Variants in GAS2 observed in about 807,000 individuals in gnomAD.
The protein encoded by GAS2 is growth arrest specific 2, also known as growth arrest-specific protein 2.
GAS2 carries 20 observed loss-of-function variants against 37.5 expected under a neutral mutation model. The ratio of observed to expected loss-of-function variants is 0.53; its 90% confidence interval spans 0.37 to 0.77. The LOEUF (loss-of-function observed/expected upper bound fraction) is 0.77, where lower values mean the gene tolerates loss of function less well. Ranked by LOEUF, GAS2 falls within the 30% of genes least tolerant of loss-of-function variation. The pLI is 0.00. For synonymous variants in GAS2, 144 were observed against 132.2 expected (o/e 1.09, Z -0.61); for missense variants, 336 against 373.4 (o/e 0.90, Z 0.82).
intron 7 of GAS2, among the ~76,000 whole-genome samples, chr11:22,780,792 A>C (rs372437324): frequency 3.3e-5 from 5 of 151,972 alleles, no homozygotes; most frequent in African/African-American, 1.2e-4. Context: ...GTCTCAGGCA[A>C]AAAAATGGAG....
At chr11:22,810,739 T>C (rs1564898963) in intron 7 of GAS2, among the ~76,000 whole-genome samples, 1 of 152,128 alleles carries the variant, frequency 6.6e-6, no homozygotes, top group Non-Finnish European at 1.5e-5. Context: ...CCAAAACCTT[T>C]ATCAAAACCT....
rs35525212 is a variant in GAS2 at position 22,736,004 on chromosome 11, TA to T, written c.410-1687del. Among the ~76,000 whole-genome samples the T allele has an allele frequency of 5.5e-3, 793 of 143,746 alleles. 5 individuals are homozygous for T. Among genetic ancestry groups the T allele is most frequent in the African/African-American group, 0.017 (663 of 39,366 alleles). The allele number at this position is 143,746 out of a possible 152,430, so 94.3% of individuals were successfully genotyped here. ...TTGTTATTTTGTACCATGGATATGT[TA>T]AAAAAAAAAAAAAGTCTGAATCAGA... On this transcript the variant is annotated intron_variant, in intron 4 of 7. Coordinates refer to ENST00000454584, the MANE Select transcript of GAS2 (RefSeq NM_001143830.3).
intron 7 of GAS2, among the ~76,000 whole-genome samples, chr11:22,770,794 C>A (rs1854938763): frequency 6.6e-6 from 1 of 152,188 alleles, no homozygotes; most frequent in South Asian, 2.1e-4. Flanking sequence ...TAGTTATTCT[C>A]ATTGTCGTTC....
intron 4 of GAS2, among the ~76,000 whole-genome samples, chr11:22,727,611 C>A (rs910603617): frequency 6.6e-6 from 1 of 151,900 alleles, no homozygotes; most frequent in Non-Finnish European, 1.5e-5. Context: ...GGGGAATATG[C>A]TAGACCTGAA....
rs78303902 is a variant in GAS2 at position 22,693,527 on chromosome 11, G to T, written c.267+7738G>T. On this transcript the variant is annotated intron_variant, in intron 3 of 7. Coordinates refer to ENST00000454584, the MANE Select transcript of GAS2 (RefSeq NM_001143830.3). ...CATGAATCTCTGACTTTTTAAATAG[G>T]TGTGCTTTTTTTATTTGGTACTTTT... is the stretch of plus-strand genomic sequence containing the variant. 7.3e-3 allele frequency among the ~76,000 whole-genome samples: 1,113 copies of T among 152,130 alleles called. 21 individuals are homozygous for T. Among genetic ancestry groups the T allele is most frequent in the African/African-American group, 0.025 (1,057 of 41,490 alleles).
intron 5 of GAS2, among the ~76,000 whole-genome samples, chr11:22,748,683 T>C (rs1294884574): frequency 6.6e-6 from 1 of 152,098 alleles, no homozygotes; most frequent in African/African-American, 2.4e-5. Context: ...AAGATGTTTA[T>C]TTCTGGGGAT....
intron 6 of GAS2, among the ~76,000 whole-genome samples, chr11:22,753,090 C>T: frequency 6.6e-6 from 1 of 152,048 alleles, no homozygotes; most frequent in East Asian, 1.9e-4. Flanking sequence ...CATCAACTTC[C>T]TCAGTCTGGG....
chr11:22,723,192 T>A (rs1225482828), intron 3 of GAS2, among the ~76,000 whole-genome samples: 1 of 151,934 alleles, frequency 6.6e-6, no homozygotes, highest in Non-Finnish European at 1.5e-5. Flanking sequence ...AAATAGCCCA[T>A]AAATTACCTA....
At chr11:22,645,176 A>T (rs1320769208) in intron 1 of GAS2, among the ~76,000 whole-genome samples, 1 of 152,166 alleles carries the variant, frequency 6.6e-6, no homozygotes, top group Non-Finnish European at 1.5e-5. Context: ...TGTAGGGTAG[A>T]AGACGGAAAG....
At chr11:22,762,289 G>C (rs529175844) in intron 7 of GAS2, among the ~76,000 whole-genome samples, 4 of 152,026 alleles carry the variant, frequency 2.6e-5, no homozygotes, top group African/African-American at 9.7e-5. Flanking sequence ...AATTTAATAA[G>C]GATCGTTTGT....
chr11:22,771,800 C>T (rs917210235), intron 7 of GAS2, among the ~76,000 whole-genome samples: 2 of 152,050 alleles, frequency 1.3e-5, no homozygotes, highest in Admixed American at 1.3e-4. Flanking sequence ...ATTTCCTTAA[C>T]CATCATTTAT....
At chr11:22,712,308 G>A (rs931441323) in intron 3 of GAS2, among the ~76,000 whole-genome samples, 1 of 152,136 alleles carries the variant, frequency 6.6e-6, no homozygotes, top group African/African-American at 2.4e-5. Flanking sequence ...TTACTCCCCT[G>A]CCATCTCCGC....
chr11:22,799,845 G>A (rs187123693), intron 7 of GAS2, among the ~76,000 whole-genome samples: 11 of 152,066 alleles, frequency 7.2e-5, no homozygotes, highest in African/African-American at 2.4e-4. Flanking sequence ...TTGTGTGCCC[G>A]GCACTGTGCT....
intron 2 of GAS2, among the ~76,000 whole-genome samples, chr11:22,678,386 T>C (rs1430439556): frequency 1.3e-5 from 2 of 152,154 alleles, no homozygotes; most frequent in African/African-American, 2.4e-5. Context: ...TTGGCTGTTT[T>C]GTCACTTCAG....
chr11:22,646,277 T>C (rs371166491), intron 1 of GAS2, among the ~76,000 whole-genome samples: 151 of 152,334 alleles, frequency 9.9e-4, no homozygotes, highest in African/African-American at 3.5e-3. Flanking sequence ...TCAATTAGTT[T>C]GTTTACAGAT....
intron 1 of GAS2, among the ~76,000 whole-genome samples, chr11:22,651,288 G>A (rs1388319342): frequency 2.0e-5 from 3 of 152,116 alleles, no homozygotes; most frequent in African/African-American, 7.2e-5. Flanking sequence ...TGAGAGATCC[G>A]CTGTTAGTCT....
intron 3 of GAS2, among the ~76,000 whole-genome samples, chr11:22,702,968 A>G (rs1322858986): frequency 6.6e-6 from 1 of 152,156 alleles, no homozygotes; most frequent in East Asian, 1.9e-4. Flanking sequence ...AAACCATAAT[A>G]TATTGTTTGG....
intron 5 of GAS2, among the ~76,000 whole-genome samples, chr11:22,746,141 C>T (rs914251909): frequency 6.6e-6 from 1 of 152,072 alleles, no homozygotes; most frequent in African/African-American, 2.4e-5. Context: ...ATGATCACAC[C>T]ACTGCACATC....
intron 3 of GAS2, among the ~76,000 whole-genome samples, chr11:22,686,486 C>T (rs190159148): frequency 3.7e-5 from 5 of 135,244 alleles, no homozygotes; most frequent in Admixed American, 1.7e-4. Flanking sequence ...GAGGCTGAGG[C>T]GGGCAGATCA....
Sources: gnomAD v4.1 joint callset for allele counts (sites outside exome capture counted in the v4.1 genomes callset) on GRCh38, gnomAD v4.1.1 for gene constraint, MANE v1.5 for transcripts, NCBI Gene and HGNC (gene_info 2026-07-23, HGNC 2026-07-21) for gene names.